SLC12A1: variants seen among roughly 807,000 people sequenced by gnomAD.
The protein encoded by SLC12A1 is Na-K-2Cl cotransporter.
In SLC12A1, 89 loss-of-function variants were observed where a neutral mutation model predicts 130.4. The observed-to-expected ratio is 0.68, with a 90% CI of 0.58 to 0.81. The LOEUF is 0.81. Ranked by LOEUF, SLC12A1 falls within the 40% of genes least tolerant of loss-of-function variation. The pLI is 0.00. For missense variants in SLC12A1, 1,310 were observed against 1,336.4 expected (o/e 0.98, Z 0.31); for synonymous variants, 499 against 460.0 (o/e 1.08, Z -1.09).
chr15:48,233,230 G>A (rs1433395722), intron 8 of SLC12A1, among the ~76,000 whole-genome samples: 1 of 152,196 alleles, frequency 6.6e-6, no homozygotes, highest in Non-Finnish European at 1.5e-5. Flanking sequence ...CACCTAATGT[G>A]ACTGGGTCTC....
In SLC12A1 at chr15:48,259,296, C is replaced by A; in HGVS notation, c.2139C>A (p.Cys713Ter). 6.2e-7 allele frequency: 1 copy of A among 1,611,252 alleles called. No homozygotes were observed. Among genetic ancestry groups the A allele is most frequent in the Non-Finnish European group, 8.5e-7 (1 of 1,177,416 alleles). ...CCAAGAACAGTGGCCTTTGCATCTGCTGTGAAGTCTTTGTGGTAAGAGCCA... is the reference window on the plus strand; with the variant it reads ...CCAAGAACAGTGGCCTTTGCATCTGATGTGAAGTCTTTGTGGTAAGAGCCA... ...AFTKNSGLCI[C>*]CEVFVGPRKL... Residue 713 changes from cysteine to a stop codon, truncating the protein, a stop_gained, in exon 17 of 27, where the codon TGC (cysteine) becomes TGA (stop). Transcript: ENST00000380993. LOFTEE classifies it high-confidence loss of function.
At chr15:48,253,159 G>A (rs939096495) in intron 15 of SLC12A1, among the ~76,000 whole-genome samples, 5 of 152,152 alleles carry the variant, frequency 3.3e-5, no homozygotes, top group African/African-American at 1.2e-4. Flanking sequence ...CCTTGGAGGG[G>A]TCTGTTTAGC....
chr15:48,232,807 GA>G lies in SLC12A1; in HGVS notation c.1061del (p.Lys354SerfsTer74). 4 of 1,611,520 alleles carry G rather than the reference GA, an allele frequency of 2.5e-6. No homozygotes were observed. The highest frequency in any genetic ancestry group is 3.4e-6 in the Non-Finnish European group (4 of 1,178,056). ...GAACTGTCATTCCATCCAACAATGA[GA>G]AAAAGTCCAGAGGTTTCTTTAATTA... ...IGTVIPSNNE[K>X]KSRGFFNYQA... On this transcript the variant is annotated frameshift_variant, in exon 8 of 27. Transcript: ENST00000380993. LOFTEE classifies it high-confidence loss of function.
rs927972402 is a variant in SLC12A1 at position 48,251,847 on chromosome 15, C to T, written c.1942+77C>T. The T allele has an allele frequency of 4.0e-6, 5 of 1,264,524 alleles. No individual in the cohort carries two copies. The African/African-American group carries it at 7.4e-5, about 19-fold the overall frequency. 78.3% of individuals were successfully genotyped at this position (1,264,524 alleles called of 1,614,324 possible). A position where few individuals can be genotyped will look rare whatever the true frequency, so the allele number is the denominator to read the frequency against. On this transcript the variant is annotated intron_variant, in intron 15 of 26. Coordinates refer to ENST00000380993, the MANE Select transcript of SLC12A1 (RefSeq NM_000338.3). ...CATTTATTAAGCATTTATTGAGCAG[C>T]TTCTATGGGCTTAGGTGAGGCATAT...
chr15:48,213,501 AT>A (rs1242909450), intron 2 of SLC12A1, among the ~76,000 whole-genome samples: 2,755 of 131,244 alleles, frequency 0.021, 37 homozygotes, highest in African/African-American at 0.065. Flanking sequence ...TTCCTCTAGA[AT>A]TTTTTTTTTT....
intron 26 of SLC12A1, among the ~76,000 whole-genome samples, chr15:48,301,841 A>C (rs569371353): frequency 1.3e-5 from 2 of 152,014 alleles, no homozygotes; most frequent in South Asian, 2.1e-4. Context: ...TTCCATTTTC[A>C]CTCTTTATGC....
intron 8 of SLC12A1, among the ~76,000 whole-genome samples, chr15:48,233,896 C>G (rs2041408416): frequency 6.6e-6 from 1 of 151,076 alleles, no homozygotes; most frequent in Non-Finnish European, 1.5e-5. Flanking sequence ...CTCCTTTTCT[C>G]TTTTTTCCTT....
intron 10 of SLC12A1, among the ~76,000 whole-genome samples, chr15:48,243,437 C>A (rs1442898531): frequency 6.6e-6 from 1 of 152,056 alleles, no homozygotes; most frequent in Non-Finnish European, 1.5e-5. Flanking sequence ...ACAGGTGGAT[C>A]ACGAGGTCAG....
At chr15:48,261,043 T>A (rs1036208776) in intron 17 of SLC12A1, among the ~76,000 whole-genome samples, 3 of 152,160 alleles carry the variant, frequency 2.0e-5, no homozygotes, top group African/African-American at 7.2e-5. Context: ...GAGAATTTTT[T>A]AAAATCTTAT....
intron 4 of SLC12A1, chr15:48,223,933 C>G (rs1370782622): frequency 1.3e-5 from 2 of 152,342 alleles, no homozygotes; most frequent in Non-Finnish European, 2.9e-5. Flanking sequence ...TGCAAAAAAG[C>G]CTAGAGGCTG....
chr15:48,275,995 G>A (rs1450988402), intron 20 of SLC12A1, among the ~76,000 whole-genome samples: 1 of 152,174 alleles, frequency 6.6e-6, no homozygotes, highest in African/African-American at 2.4e-5. Flanking sequence ...AACAAGACAA[G>A]GTGACAGCTT....
intron 19 of SLC12A1, among the ~76,000 whole-genome samples, chr15:48,271,523 T>TATTCAGCAG (rs11281072): frequency 6.6e-6 from 1 of 151,662 alleles, no homozygotes; most frequent in African/African-American, 2.4e-5. Flanking sequence ...TTTATCATTA[T>TATTCAGCAG]ATTTATGCAA....
chr15:48,301,284 T>C, intron 25 of SLC12A1, 31 bp from the exon 26 acceptor site: 1 of 1,483,072 alleles, frequency 6.7e-7, no homozygotes. Flanking sequence ...CTGGTAGAAC[T>C]GTACTCAACA....
chr15:48,296,462 T>C (rs2042178381), intron 24 of SLC12A1, among the ~76,000 whole-genome samples: 1 of 152,124 alleles, frequency 6.6e-6, no homozygotes, highest in African/African-American at 2.4e-5. Flanking sequence ...TTAAAAGTCA[T>C]AGGACAAAAA....
chr15:48,298,735 G>A (rs1468237073), intron 24 of SLC12A1, among the ~76,000 whole-genome samples: 1 of 152,186 alleles, frequency 6.6e-6, no homozygotes, highest in African/African-American at 2.4e-5. Context: ...CTCCCATAGA[G>A]TCTGTACAAT....
intron 10 of SLC12A1, among the ~76,000 whole-genome samples, chr15:48,243,754 T>C (rs1190176282): frequency 6.6e-6 from 1 of 152,358 alleles, no homozygotes; most frequent in East Asian, 1.9e-4. Context: ...GAAACACATT[T>C]ATTCCTGTCA....
intron 2 of SLC12A1, among the ~76,000 whole-genome samples, chr15:48,220,330 C>T (rs1436779496): frequency 1.3e-5 from 2 of 151,982 alleles, no homozygotes; most frequent in Non-Finnish European, 2.9e-5. Flanking sequence ...TCTTTTGTTT[C>T]TCTTATGTGC....
At chr15:48,282,568 T>C (rs1325510663) in intron 20 of SLC12A1, among the ~76,000 whole-genome samples, 1 of 151,888 alleles carries the variant, frequency 6.6e-6, no homozygotes, top group Non-Finnish European at 1.5e-5. Context: ...AAAGAGCAGG[T>C]TACCCCATAA....
rs770459048 is a variant in SLC12A1, at chr15:48,302,737, T to C, written c.3165-13T>C. ...TTCACTTTCATTTTTAAATTTTTCC[T>C]TCATGTCATTAGGAGCCTTCCCGTG... On this transcript the variant is annotated splice_polypyrimidine_tract_variant and intron_variant, in intron 26 of 26. Transcript: ENST00000380993. 81 of 1,586,880 alleles carry C rather than the reference T, an allele frequency of 5.1e-5. No homozygotes were observed. Among genetic ancestry groups the C allele is most frequent in the Non-Finnish European group, 6.3e-5 (73 of 1,167,726 alleles).
Sources: allele counts gnomAD v4.1 joint callset (sites outside exome capture counted in the v4.1 genomes callset), GRCh38; gene constraint gnomAD v4.1.1; transcripts MANE v1.5; gene names NCBI Gene and HGNC (gene_info 2026-07-23, HGNC 2026-07-21).